The following MAP3K8 variants were observed in gnomAD, a reference collection of about 807,000 sequenced individuals.
MAP3K8 encodes the protein Ewing sarcoma transformant.
In MAP3K8, 22 loss-of-function variants were observed where a neutral mutation model predicts 45.8. The ratio of observed to expected loss-of-function variants is 0.48; its 90% CI spans 0.34 to 0.69. MAP3K8 has a LOEUF of 0.69. Among genes scored for constraint, MAP3K8 ranks in the 30% least tolerant of loss-of-function variants. The probability of loss-of-function intolerance (pLI) is 0.01; values close to 1 mark genes in which losing one functional copy is unlikely to be tolerated. For missense variants in MAP3K8, 419 were observed against 585.0 expected, an observed-to-expected ratio of 0.72 and a Z score of 2.93; for synonymous variants, 223 against 214.3, an observed-to-expected ratio of 1.04 and a Z score of -0.36.
At position 30,460,853 on chromosome 10, in the gene MAP3K8, T is replaced by C. The variant is rs1384429594; in HGVS notation, c.*17T>C. The C allele has an allele frequency of 6.2e-7, 1 of 1,612,612 alleles. No homozygotes were observed. The highest frequency in any genetic ancestry group is 8.5e-7 in the Non-Finnish European group (1 of 1,179,926). On this transcript the variant is annotated 3_prime_UTR_variant, in exon 9 of 9. Coordinates refer to ENST00000263056, the MANE Select transcript of MAP3K8 (RefSeq NM_005204.4). Reference sequence around the variant, plus strand: ...TATGGCTGAAGGATGCCATGTTTGCTCTAAATTAAGACAGCATTGATCTCC... The same window carrying C: ...TATGGCTGAAGGATGCCATGTTTGCCCTAAATTAAGACAGCATTGATCTCC...
intron 6 of MAP3K8, among the ~76,000 whole-genome samples, chr10:30,455,576 G>A (rs936979814): frequency 1.3e-5 from 2 of 152,166 alleles, no homozygotes; most frequent in Admixed American, 1.3e-4. Flanking sequence ...TAGTGAATGC[G>A]AATAACAAAT....
chr10:30,439,148 AC>A lies in MAP3K8; in HGVS notation c.212del (p.Pro71HisfsTer40). 1 of 1,614,144 alleles carries A rather than the reference AC, an allele frequency of 6.2e-7. No homozygotes were observed. Among genetic ancestry groups the A allele is most frequent in the Non-Finnish European group, 8.5e-7 (1 of 1,179,954 alleles). The stretch of plus-strand genomic sequence containing the variant: ...CTCTGCTGCTTAGTGGCCAAGAGGT[AC>A]CATGGTTGTCATCAGTCAGATATGG... ...KSLLLSGQEV[P>X]WLSSVRYGTV... On this transcript the variant is annotated frameshift_variant, in exon 3 of 9. Coordinates refer to ENST00000263056, the MANE Select transcript of MAP3K8 (RefSeq NM_005204.4). LOFTEE classifies it high-confidence loss of function.
chr10:30,458,161 C>T lies in MAP3K8; in HGVS notation c.951C>T (p.Leu317=), dbSNP rs746280858. ...ACATCTACAGCCTGGGGGCCACGCT[C>T]ATCCACATGCAGACGGGCACCCCAC... ...KADIYSLGAT[L]IHMQTGTPPW... is the part of the protein sequence containing the mutation. Residue 317 remains leucine (L), a synonymous_variant, in exon 7 of 9, where the codon CTC becomes CTT. Coordinates refer to ENST00000263056, the MANE Select transcript of MAP3K8 (RefSeq NM_005204.4). The T allele has an allele frequency of 3.6e-5, 57 of 1,594,994 alleles. No homozygotes were observed. The highest frequency in any genetic ancestry group is 1.4e-4 in the Admixed American group (8 of 56,850).
Position 30,438,961 on chromosome 10 carries a change from G to A in MAP3K8, c.23G>A (p.Ser8Asn), listed in dbSNP as rs752421142. MEYMSTG[S>N]DNKEEIDLLI... ...GTAATGGAGTACATGAGCACTGGAA[G>A]TGACAATAAAGAAGAGATTGATTTA... Residue 8 changes from serine (S) to asparagine (N), a missense_variant, in exon 3 of 9, where the codon AGT becomes AAT. Ser to Asn is a conservative substitution (Grantham distance 46). Around this residue, in one of 3 missense-constraint regions of MAP3K8, gnomAD observed 102 missense variants for 93.5 expected, o/e 1.09. Transcript: ENST00000263056. 2 of 1,609,890 alleles carry A rather than the reference G, an allele frequency of 1.2e-6. No homozygotes were observed. The highest frequency in any genetic ancestry group is 1.7e-6 in the Non-Finnish European group (2 of 1,176,906).
chr10:30,434,507 G>C (rs1835847564), intron 1 of MAP3K8, 129 bp downstream of exon 1: 3 of 985,760 alleles, frequency 3.0e-6, no homozygotes, highest in Non-Finnish European at 2.4e-6. Flanking sequence ...GAAGAGGTGG[G>C]GGCGTGCCCA....
At chr10:30,442,656 T>C (rs1055267139) in intron 3 of MAP3K8, among the ~76,000 whole-genome samples, 1 of 152,230 alleles carries the variant, frequency 6.6e-6, no homozygotes, top group African/African-American at 2.4e-5. Context: ...CTGCATGTTA[T>C]TTATCATCTA....
At chr10:30,449,574 C>T (rs1836464993) in intron 4 of MAP3K8, among the ~76,000 whole-genome samples, 1 of 152,058 alleles carries the variant, frequency 6.6e-6, no homozygotes, top group Admixed American at 6.6e-5. Flanking sequence ...TTTGATTTAA[C>T]AAAAAATAAA....
chr10:30,435,561 AT>A (rs1042744061), intron 1 of MAP3K8, among the ~76,000 whole-genome samples: 1 of 135,020 alleles, frequency 7.4e-6, no homozygotes. Context: ...TAATTTTTAA[AT>A]TTTTTTTGAG....
chr10:30,450,865 T>C (rs1272869637), intron 5 of MAP3K8, among the ~76,000 whole-genome samples: 1 of 150,868 alleles, frequency 6.6e-6, no homozygotes, highest in Non-Finnish European at 1.5e-5. Flanking sequence ...GTTGATCACC[T>C]GAAGTCAGGA....
At chr10:30,435,961 G>A (rs1835897602) in intron 1 of MAP3K8, among the ~76,000 whole-genome samples, 1 of 152,210 alleles carries the variant, frequency 6.6e-6, no homozygotes, top group African/African-American at 2.4e-5. Flanking sequence ...CTCACATTTT[G>A]TTTCTGTATA....
chr10:30,437,339 T>C lies in MAP3K8; in HGVS notation c.-91T>C, dbSNP rs993429070. 2 of 983,526 alleles carry C rather than the reference T, an allele frequency of 2.0e-6. No homozygotes were observed. The highest frequency in any genetic ancestry group is 1.2e-4 in the Admixed American group (2 of 16,264). 60.9% of individuals were successfully genotyped at this position (983,526 alleles called of 1,614,324 possible). A position where few individuals can be genotyped will look rare whatever the true frequency, so the allele number is the denominator to read the frequency against. On this transcript the variant is annotated 5_prime_UTR_variant, in exon 2 of 9. The change abolishes an upstream ATG in the 5' untranslated region. Coordinates refer to ENST00000263056, the MANE Select transcript of MAP3K8 (RefSeq NM_005204.4). ...TAAAAATGACACAGCTTATTTACCATGCCCCTGACACTGCACTGAGCACTT... is the reference window on the plus strand; with the variant it reads ...TAAAAATGACACAGCTTATTTACCACGCCCCTGACACTGCACTGAGCACTT...
rs921005493 is a variant in MAP3K8 at position 30,434,236 on chromosome 10, G to C, written c.-397G>C. On this transcript the variant is annotated 5_prime_UTR_variant, in exon 1 of 9. Transcript: ENST00000263056. ...GCCACGCTCTGGGGTCCGGCGCCCT[G>C]GTTCCTGCTTCTGCCGCTGCCGCCG... 1 of 156,516 alleles carries C rather than the reference G, an allele frequency of 6.4e-6. No individual in the cohort carries two copies. The highest frequency in any genetic ancestry group is 6.5e-5 in the Admixed American group (1 of 15,298). 9.7% of individuals were successfully genotyped at this position (156,516 alleles called of 1,614,324 possible). A position where few individuals can be genotyped will look rare whatever the true frequency, so the allele number is the denominator to read the frequency against.
At chr10:30,459,009 C>T (rs780023999) in intron 7 of MAP3K8, among the ~76,000 whole-genome samples, 12 of 152,042 alleles carry the variant, frequency 7.9e-5, no homozygotes, top group East Asian at 1.9e-4. Context: ...CCCAGGAGTT[C>T]GAGGCTACGG....
At position 30,458,194 on chromosome 10, in the gene MAP3K8, G is replaced by A. The variant is rs569931959; in HGVS notation, c.984G>A (p.Val328=). The change falls in exon 7 of 9, where the codon GTG becomes GTA. Residue 328 remains valine (V), a synonymous_variant. Coordinates refer to ENST00000263056, the MANE Select transcript of MAP3K8 (RefSeq NM_005204.4). ...TGCAGACGGGCACCCCACCCTGGGT[G>A]AAGCGCTACCCTCGCTCAGCCTATC... ...IHMQTGTPPW[V]KRYPRSAYPS... 1.9e-6 allele frequency: 3 copies of A among 1,588,056 alleles called. No individual in the cohort carries two copies. In the African/African-American group the frequency reaches 4.0e-5, roughly 21 times the overall value.
chr10:30,443,786 G>T (rs1836204077), intron 3 of MAP3K8, among the ~76,000 whole-genome samples: 1 of 152,210 alleles, frequency 6.6e-6, no homozygotes. Flanking sequence ...TCGTATAAAT[G>T]ACAGTGATCT....
intron 1 of MAP3K8, chr10:30,434,707 C>A (rs1044023189): frequency 3.0e-6 from 3 of 985,416 alleles, no homozygotes; most frequent in Non-Finnish European, 3.6e-6. Flanking sequence ...CTCCCGCTGC[C>A]GACGCCGCCT....
intron 3 of MAP3K8, among the ~76,000 whole-genome samples, chr10:30,440,018 T>C (rs982509619): frequency 1.3e-5 from 2 of 152,264 alleles, no homozygotes; most frequent in African/African-American, 4.8e-5. Flanking sequence ...AAATGTAGTA[T>C]GTAGGCAGTA....
Position 30,442,332 on chromosome 10 carries a change from C to T in MAP3K8, c.336+3058C>T, listed in dbSNP as rs74907062. Among the ~76,000 whole-genome samples the T allele has an allele frequency of 9.7e-4, 147 of 152,250 alleles. 1 individual carries two copies. In the East Asian group the frequency reaches 0.021, roughly 22 times the overall value. On this transcript the variant is annotated intron_variant, in intron 3 of 8. Transcript: ENST00000263056. ...TTCCAAGAAGGATTTATGCCTAAGC[C>T]GAGGTCTGAAGTGTTGAGTTGGAGT...
Position 30,434,371 on chromosome 10 carries a change from G to A in MAP3K8, c.-262G>A, listed in dbSNP as rs917041434. On this transcript the variant is annotated 5_prime_UTR_variant, in exon 1 of 9. Transcript: ENST00000263056. ...CGCTCGGCCGGCGTGGGAGCGCCAA[G>A]GCCGCAGGTAATCCAGGGTTGGGGG... is the stretch of plus-strand genomic sequence containing the variant. 1.2e-6 allele frequency: 1 copy of A among 858,908 alleles called. No homozygotes were observed. Among genetic ancestry groups the A allele is most frequent in the African/African-American group, 1.8e-5 (1 of 54,862 alleles). 53.2% of individuals were successfully genotyped at this position (858,908 alleles called of 1,614,324 possible). A position where few individuals can be genotyped will look rare whatever the true frequency, so the allele number is the denominator to read the frequency against.
Sources: allele counts gnomAD v4.1 joint callset (sites outside exome capture counted in the v4.1 genomes callset), GRCh38; gene constraint gnomAD v4.1.1; regional missense constraint gnomAD v4.1.1; transcripts MANE v1.5; gene names NCBI Gene and HGNC (gene_info 2026-07-23, HGNC 2026-07-21).